The following GNA14 variants were observed in gnomAD, a reference collection of about 807,000 sequenced individuals.
GNA14 encodes the protein G protein subunit alpha 14.
A neutral mutation model predicts 42.0 loss-of-function variants in GNA14; 50 were observed. The ratio of observed to expected loss-of-function variants is 1.19; its 90% CI spans 0.95 to 1.51. The LOEUF is 1.51. GNA14 is among the 40% of genes most tolerant of loss of function. The pLI is 0.00. For missense variants in GNA14, 473 were observed against 446.2 expected (o/e 1.06, Z -0.54); for synonymous variants, 173 against 163.1 (o/e 1.06, Z -0.46).
chr9:77,523,623 T>C (rs1837393944), intron 2 of GNA14, among the ~76,000 whole-genome samples: 1 of 152,168 alleles, frequency 6.6e-6, no homozygotes, highest in Non-Finnish European at 1.5e-5. Context: ...CTGTTTTGGT[T>C]CTTGTCATGA....
At chr9:77,518,197 C>T (rs776826634) in intron 2 of GNA14, 1 of 152,046 alleles carries the variant, frequency 6.6e-6, no homozygotes, top group Non-Finnish European at 1.5e-5. Context: ...TTTGGGGAGC[C>T]ACCCAAAACT....
At position 77,587,241 on chromosome 9, in the gene GNA14, A is replaced by C. The variant is rs547352795; in HGVS notation, c.125-57988T>G. Among the ~76,000 whole-genome samples the C allele has an allele frequency of 1.6e-4, 24 of 152,310 alleles. 2 individuals are homozygous for C. In the South Asian group the frequency reaches 4.8e-3, roughly 30 times the overall value. ...CAGCTGTTATGGAAAATAGTTTGGC[A>C]GTTTCTCAAAAAGTTAAACATAGAA... On this transcript the variant is annotated intron_variant, in intron 1 of 6. Transcript: ENST00000341700.
chr9:77,514,432 C>T (rs1303623730), intron 2 of GNA14, among the ~76,000 whole-genome samples: 1 of 151,936 alleles, frequency 6.6e-6, no homozygotes, highest in Non-Finnish European at 1.5e-5. Context: ...AGAGGTAAAC[C>T]CGACATGATT....
At chr9:77,561,314 T>C (rs1303898271) in intron 1 of GNA14, among the ~76,000 whole-genome samples, 1 of 152,158 alleles carries the variant, frequency 6.6e-6, no homozygotes, top group Admixed American at 6.5e-5. Flanking sequence ...TCAAACTAAT[T>C]TGTTCCCTCA....
Position 77,425,590 on chromosome 9 carries a change from A to T in GNA14, c.849T>A (p.His283Gln). 6.2e-7 allele frequency: 1 copy of T among 1,607,990 alleles called. No homozygotes were observed. Among genetic ancestry groups the T allele is most frequent in the Non-Finnish European group, 8.5e-7 (1 of 1,175,702 alleles). ...TGTATTCTGGGAAATAGCTAATTAG[A>T]TGAGAGTACATGATTTTCTCTTCCA... ...DLLEEKIMYS[H>Q]LISYFPEYTG... Residue 283 changes from histidine to glutamine, a missense_variant, in exon 6 of 7, where the codon CAT (histidine) becomes CAA (glutamine). Coordinates refer to ENST00000341700, the MANE Select transcript of GNA14 (RefSeq NM_004297.4).
chr9:77,493,026 A>AAATAT (rs1554691641), intron 2 of GNA14, among the ~76,000 whole-genome samples: 1 of 51,730 alleles, frequency 1.9e-5, no homozygotes, highest in African/African-American at 1.1e-4. Flanking sequence ...AAAAAAAAAA[A>AAATAT]ATATATATAT....
In GNA14 at chr9:77,536,389, C is replaced by T. The variant is rs982208075; in HGVS notation, c.125-7136G>A. 3.3e-5 allele frequency among the ~76,000 whole-genome samples: 5 copies of T among 152,104 alleles called. No individual in the cohort carries two copies. In the East Asian group the frequency reaches 9.6e-4, roughly 29 times the overall value. On this transcript the variant is annotated intron_variant, in intron 1 of 6. Transcript: ENST00000341700. ...GAGAGAGACAAGAGTCTCGCTCTGTCGCGCAGGCTGGAGTGCAGTCACACG... is the reference window on the plus strand; with the variant it reads ...GAGAGAGACAAGAGTCTCGCTCTGTTGCGCAGGCTGGAGTGCAGTCACACG...
At chr9:77,548,452 T>TG (rs911819046) in intron 1 of GNA14, among the ~76,000 whole-genome samples, 13 of 151,990 alleles carry the variant, frequency 8.6e-5, no homozygotes, top group Admixed American at 3.3e-4. Flanking sequence ...CGAATTGGAG[T>TG]GGGGGCGCAC....
chr9:77,623,659 C>A (rs990566534), intron 1 of GNA14, among the ~76,000 whole-genome samples: 1 of 152,148 alleles, frequency 6.6e-6, no homozygotes, highest in Non-Finnish European at 1.5e-5. Context: ...ACCTGGGAAG[C>A]AAGGAGTTGG....
At chr9:77,515,971 A>AAAAAAAAAAAAAAAAAAC (rs1554693936) in intron 2 of GNA14, among the ~76,000 whole-genome samples, 1 of 147,206 alleles carries the variant, frequency 6.8e-6, no homozygotes. Flanking sequence ...AAAAAAAAAA[A>AAAAAAAAAAAAAAAAAAC]AAAAAAAAAA....
At chr9:77,610,811 T>A (rs1371491721) in intron 1 of GNA14, among the ~76,000 whole-genome samples, 4 of 152,174 alleles carry the variant, frequency 2.6e-5, no homozygotes, top group Non-Finnish European at 1.5e-5. Flanking sequence ...ATCTGTAAGA[T>A]GTAAGAAGAC....
chr9:77,521,931 C>CT (rs1442174416), intron 2 of GNA14, among the ~76,000 whole-genome samples: 2 of 152,134 alleles, frequency 1.3e-5, no homozygotes, highest in Non-Finnish European at 2.9e-5. Flanking sequence ...CTCCCAGATT[C>CT]AAGCGATTCT....
intron 2 of GNA14, among the ~76,000 whole-genome samples, chr9:77,455,764 C>T (rs192987609): frequency 2.0e-5 from 3 of 152,272 alleles, no homozygotes; most frequent in Admixed American, 6.5e-5. Context: ...CCATAGGAAT[C>T]GCATGAGTGA....
intron 1 of GNA14, among the ~76,000 whole-genome samples, chr9:77,551,082 G>A (rs1294755327): frequency 6.6e-6 from 1 of 152,108 alleles, no homozygotes; most frequent in African/African-American, 2.4e-5. Context: ...TTCCATCATA[G>A]GTTGAAAGGG....
In GNA14 at chr9:77,511,587, T is replaced by G. The variant is rs370381578; in HGVS notation, c.309+17482A>C. On this transcript the variant is annotated intron_variant, in intron 2 of 6. Coordinates refer to ENST00000341700, the MANE Select transcript of GNA14 (RefSeq NM_004297.4). ...GAGCAAATCTGGGAGTCTGAACAGC[T>G]TGCAGGCGAAAGGAGTTGAAATCTG... 6.5e-4 allele frequency among the ~76,000 whole-genome samples: 99 copies of G among 152,312 alleles called. 2 individuals carry two copies. The highest frequency in any genetic ancestry group is 2.4e-3 in the African/African-American group (98 of 41,556).
intron 2 of GNA14, among the ~76,000 whole-genome samples, chr9:77,435,369 T>A (rs1301865527): frequency 1.3e-5 from 2 of 151,540 alleles, no homozygotes; most frequent in African/African-American, 4.9e-5. Context: ...AAAAAAAAAA[T>A]ATATTAATAA....
chr9:77,540,632 G>C (rs543387620), intron 1 of GNA14, among the ~76,000 whole-genome samples: 2 of 151,956 alleles, frequency 1.3e-5, no homozygotes, highest in African/African-American at 4.8e-5. Flanking sequence ...AGTAATATTT[G>C]CTTATGAATC....
chr9:77,575,255 T>C (rs2131798481), intron 1 of GNA14, among the ~76,000 whole-genome samples: 1 of 152,286 alleles, frequency 6.6e-6, no homozygotes, highest in South Asian at 2.1e-4. Context: ...TGGTGGCACA[T>C]GCCTGTAATC....
At chr9:77,475,320 G>A (rs1836399738) in intron 2 of GNA14, among the ~76,000 whole-genome samples, 1 of 152,114 alleles carries the variant, frequency 6.6e-6, no homozygotes, top group Non-Finnish European at 1.5e-5. Context: ...ATAATGACAA[G>A]CAGAAATAGT....
Sources: gnomAD v4.1 joint callset for allele counts (sites outside exome capture counted in the v4.1 genomes callset) on GRCh38, gnomAD v4.1.1 for gene constraint, MANE v1.5 for transcripts, NCBI Gene and HGNC (gene_info 2026-07-23, HGNC 2026-07-21) for gene names.